UNC13A: variants seen among roughly 807,000 people sequenced by gnomAD.
UNC13A encodes protein unc-13 homolog A.
A neutral mutation model predicts 219.7 loss-of-function variants in UNC13A; 61 were observed. The observed-to-expected ratio is 0.28, with a 90% CI of 0.23 to 0.34. UNC13A has a LOEUF of 0.34. UNC13A is among the 10% of genes least tolerant of loss of function. The probability of loss-of-function intolerance (pLI) is 1.00; values close to 1 mark genes in which losing one functional copy is unlikely to be tolerated. For synonymous variants in UNC13A, 920 were observed against 884.6 expected, an observed-to-expected ratio of 1.04 and a Z score of -0.71; for missense variants, 1,476 against 2,270.3, an observed-to-expected ratio of 0.65 and a Z score of 7.11.
At chr19:17,660,534 G>GA (rs2079533307) in intron 8 of UNC13A, among the ~76,000 whole-genome samples, 1 of 68,108 alleles carries the variant, frequency 1.5e-5, no homozygotes, top group Non-Finnish European at 3.2e-5. Context: ...TTGGTTTTTG[G>GA]GTTTTTTTTT....
At chr19:17,661,955 T>C (rs1056913139) in intron 8 of UNC13A, among the ~76,000 whole-genome samples, 6 of 151,878 alleles carry the variant, frequency 4.0e-5, no homozygotes, top group East Asian at 1.9e-4. Context: ...TAGATTCTCA[T>C]AGAAGGCCGG....
At chr19:17,618,540 G>A in intron 39 of UNC13A, 39 bp from the exon 40 acceptor site, 1 of 1,539,184 alleles carries the variant, frequency 6.5e-7, no homozygotes. Flanking sequence ...GGTGGAGTGG[G>A]CTCCACCTTT....
At position 17,681,279 on chromosome 19, in the gene UNC13A, G is replaced by C. The variant is rs185788584; in HGVS notation, c.23-5238C>G. 1.4e-4 allele frequency among the ~76,000 whole-genome samples: 21 copies of C among 152,016 alleles called. No individual in the cohort carries two copies. The East Asian group carries it at 3.9e-3, about 28-fold the overall frequency. On this transcript the variant is annotated intron_variant, in intron 1 of 43. Transcript: ENST00000519716. ...CCACGTGGGATGGGGTGGGGAGACAGGAGGTGGAGATCCAGCCGTCTAGGG... is the reference window on the plus strand; with the variant it reads ...CCACGTGGGATGGGGTGGGGAGACACGAGGTGGAGATCCAGCCGTCTAGGG...
intron 21 of UNC13A, among the ~76,000 whole-genome samples, chr19:17,641,094 G>C (rs1443697847): frequency 6.6e-6 from 1 of 151,876 alleles, no homozygotes; most frequent in African/African-American, 2.4e-5. Context: ...GGCCAGGCTG[G>C]TCTTGTACTC....
intron 1 of UNC13A, chr19:17,676,251 G>C (rs2079897405): frequency 1.5e-6 from 1 of 687,614 alleles, no homozygotes; most frequent in South Asian, 1.5e-5. Context: ...GGGAGGAGGA[G>C]AGGTAGGAAA....
chr19:17,621,909 T>C (rs1008395292), intron 36 of UNC13A, 39 bp from the exon 37 acceptor site: 5 of 1,611,536 alleles, frequency 3.1e-6, no homozygotes, highest in Non-Finnish European at 4.2e-6. Flanking sequence ...ACCTGGCAAG[T>C]CGTGCAGGGT....
At position 17,647,508 on chromosome 19, in the gene UNC13A, G is replaced by A. The variant is rs775538923; in HGVS notation, c.1817-16C>T. 2.5e-6 allele frequency: 4 copies of A among 1,608,110 alleles called. No homozygotes were observed. The highest frequency in any genetic ancestry group is 3.4e-6 in the Non-Finnish European group (4 of 1,178,972). Reference sequence around the variant, plus strand: ...TCCGCAGCCCCTGAGGACGCCCGAGGCCGGCGCTGACCCCAGCGCGCCCTG... The same window carrying A: ...TCCGCAGCCCCTGAGGACGCCCGAGACCGGCGCTGACCCCAGCGCGCCCTG... On this transcript the variant is annotated splice_polypyrimidine_tract_variant and intron_variant, in intron 16 of 43. Coordinates refer to ENST00000519716, the MANE Select transcript of UNC13A (RefSeq NM_001080421.3).
At chr19:17,632,235 G>A (rs768062060) in intron 28 of UNC13A, among the ~76,000 whole-genome samples, 3 of 152,106 alleles carry the variant, frequency 2.0e-5, no homozygotes, top group Non-Finnish European at 2.9e-5. Flanking sequence ...TGTAGAGCTG[G>A]GGTTTCGCCC....
At chr19:17,666,460 G>A (rs1022981938) in intron 7 of UNC13A, among the ~76,000 whole-genome samples, 190 bp downstream of exon 7, 4 of 152,064 alleles carry the variant, frequency 2.6e-5, no homozygotes, top group African/African-American at 7.2e-5. Context: ...GCTTCCCAAA[G>A]TGCTGGGATT....
At chr19:17,668,335 C>G (rs1353390305) in intron 5 of UNC13A, 145 bp from the exon 6 acceptor site, 1 of 705,980 alleles carries the variant, frequency 1.4e-6, no homozygotes, top group African/African-American at 1.8e-5. Context: ...GGTCTGCGGT[C>G]TCAGGAGGGT....
intron 1 of UNC13A, among the ~76,000 whole-genome samples, chr19:17,680,573 CAGG>C (rs2079988295): frequency 6.6e-6 from 1 of 152,096 alleles, no homozygotes; most frequent in East Asian, 1.9e-4. Flanking sequence ...GGCAGGAGTT[CAGG>C]CTGCGGGACA....
chr19:17,663,650 T>G, intron 7 of UNC13A, 83 bp from the exon 8 acceptor site: 1 of 1,425,838 alleles, frequency 7.0e-7, no homozygotes, highest in Non-Finnish European at 9.7e-7. Context: ...CTGTCCTCAC[T>G]CTCCCCAACT....
chr19:17,615,074 C>T (rs968905747), intron 41 of UNC13A, among the ~76,000 whole-genome samples: 6 of 152,184 alleles, frequency 3.9e-5, no homozygotes, highest in Admixed American at 6.5e-5. Context: ...CCCCAAGTCC[C>T]GGGACCCCTG....
chr19:17,639,248 A>G (rs2076942414), intron 24 of UNC13A, 31 bp from the exon 25 acceptor site: 2 of 1,612,574 alleles, frequency 1.2e-6, no homozygotes, highest in African/African-American at 1.3e-5. Context: ...ATAGGCGGCC[A>G]CAGCTGTGAC....
At chr19:17,670,103 C>G (rs774977448) in intron 4 of UNC13A, among the ~76,000 whole-genome samples, 1 of 151,830 alleles carries the variant, frequency 6.6e-6, no homozygotes, top group Non-Finnish European at 1.5e-5. Flanking sequence ...CCCGCCACCA[C>G]GCCTGGCTGA....
rs1211721077 is a variant in UNC13A, at chr19:17,640,498, C to T, written c.2787+13G>A. ...CTCTCCCTAATTCTCCAATCCCAGT[C>T]CCCAGGACTGACCCCAAAGTTGGAG... On this transcript the variant is annotated intron_variant, in intron 22 of 43. Coordinates refer to ENST00000519716, the MANE Select transcript of UNC13A (RefSeq NM_001080421.3). 6.5e-7 allele frequency: 1 copy of T among 1,547,340 alleles called. No homozygotes were observed. Among genetic ancestry groups the T allele is most frequent in the Non-Finnish European group, 8.7e-7 (1 of 1,145,824 alleles).
chr19:17,660,713 G>A (rs58319101), intron 8 of UNC13A, among the ~76,000 whole-genome samples: 2,377 of 151,786 alleles, frequency 0.016, 69 homozygotes, highest in African/African-American at 0.055. Flanking sequence ...TGTATTTTTA[G>A]TAGAGATGGG....
At chr19:17,628,353 C>T (rs953479760) in intron 31 of UNC13A, 1 of 218,122 alleles carries the variant, frequency 4.6e-6, no homozygotes, top group Non-Finnish European at 9.3e-6. Context: ...ACCCCCCCCA[C>T]AGATACACAC....
At chr19:17,678,207 G>A (rs921499894) in intron 1 of UNC13A, among the ~76,000 whole-genome samples, 12 of 152,270 alleles carry the variant, frequency 7.9e-5, no homozygotes, top group Admixed American at 5.9e-4. Context: ...GGCCAGGCGC[G>A]GTGGCTCATG....
Sources: allele counts gnomAD v4.1 joint callset (sites outside exome capture counted in the v4.1 genomes callset), GRCh38; gene constraint gnomAD v4.1.1; transcripts MANE v1.5; gene names NCBI Gene and HGNC (gene_info 2026-07-23, HGNC 2026-07-21).